SIN3B: variants seen among roughly 807,000 people sequenced by gnomAD.
SIN3B encodes the protein paired amphipathic helix protein Sin3b.
In SIN3B, 19 loss-of-function variants were observed where a neutral mutation model predicts 120.2. The ratio of observed to expected loss-of-function variants is 0.16; its 90% CI spans 0.11 to 0.23. The LOEUF is 0.23. Ranked by LOEUF, SIN3B falls within the 10% of genes least tolerant of loss-of-function variation. The pLI is 1.00. For synonymous variants in SIN3B, 654 were observed against 653.2 expected (o/e 1.00, Z -0.02); for missense variants, 1,073 against 1,573.0 (o/e 0.68, Z 5.38).
Position 16,858,493 on chromosome 19 carries a change from G to GT in SIN3B, c.1059-3850dup, listed in dbSNP as rs36002818. Among the ~76,000 whole-genome samples, 73 of 151,064 alleles carry GT rather than the reference G, an allele frequency of 4.8e-4. 1 individual carries two copies. The highest frequency in any genetic ancestry group is 6.8e-3 in the Middle Eastern group (2 of 294). On this transcript the variant is annotated intron_variant, in intron 8 of 18. Coordinates refer to ENST00000248054, the MANE Select transcript of SIN3B (RefSeq NM_001297595.2). ...GGGGACCAATTAGGTTGTTTCCTTT[G>GT]TTTTTTTTTAGCATCTTAATGAATT... is the stretch of plus-strand genomic sequence containing the variant.
intron 8 of SIN3B, among the ~76,000 whole-genome samples, chr19:16,857,961 C>G (rs1971639070): frequency 6.6e-6 from 1 of 152,316 alleles, no homozygotes; most frequent in Middle Eastern, 3.4e-3. Flanking sequence ...ACTGCAACCT[C>G]TGTCTCCCAG....
At chr19:16,871,470 C>G in intron 14 of SIN3B, 72 bp downstream of exon 14, 1 of 1,430,366 alleles carries the variant, frequency 7.0e-7, no homozygotes, top group Non-Finnish European at 9.5e-7. Context: ...ACTCCCCGCT[C>G]GGGAGGGGGC....
chr19:16,832,357 T>C (rs983467955), intron 3 of SIN3B, among the ~76,000 whole-genome samples: 3 of 150,598 alleles, frequency 2.0e-5, no homozygotes, highest in Non-Finnish European at 4.4e-5. Context: ...ACCACCATGC[T>C]TAGCTAATTT....
rs1224469778 is a variant in SIN3B, at chr19:16,879,538, A to G, written c.*811A>G. ...ACCCTAGGCGTATGTGTATACACGC[A>G]CAGATATTTATTCCTTTCGCTTTTA... On this transcript the variant is annotated 3_prime_UTR_variant, in exon 19 of 19. Transcript: ENST00000248054. The G allele has an allele frequency of 6.6e-6, 1 of 152,244 alleles. No homozygotes were observed. Among genetic ancestry groups the G allele is most frequent in the African/African-American group, 2.4e-5 (1 of 41,446 alleles). 9.4% of individuals were successfully genotyped at this position (152,244 alleles called of 1,614,324 possible).
intron 8 of SIN3B, among the ~76,000 whole-genome samples, chr19:16,855,940 C>T (rs1035018827): frequency 3.3e-5 from 5 of 151,912 alleles, no homozygotes; most frequent in African/African-American, 7.3e-5. Context: ...GCCTGTTGTC[C>T]CAGCTACTTA....
intron 8 of SIN3B, among the ~76,000 whole-genome samples, chr19:16,856,045 A>T (rs1971610391): frequency 6.6e-6 from 1 of 152,220 alleles, no homozygotes; most frequent in Admixed American, 6.5e-5. Context: ...TGACAGAGTG[A>T]GACCCTGTAT....
In SIN3B at chr19:16,878,196, T is replaced by A. The variant is rs530799566; in HGVS notation, c.2968T>A (p.Phe990Ile). The change falls in exon 18 of 19, where the codon TTC becomes ATC. Residue 990 changes from phenylalanine to isoleucine, a missense_variant. This residue lies in a region of SIN3B where 311 missense variants were observed against 400.3 expected (regional missense o/e 0.78). Coordinates refer to ENST00000248054, the MANE Select transcript of SIN3B (RefSeq NM_001297595.2). Reference protein sequence around the residue: ...PVFLQRNLKKFRRRWQSEQAR... With the variant: ...PVFLQRNLKKIRRRWQSEQAR... The stretch of plus-strand genomic sequence containing the variant: ...TTTCGCCCCCAGGAACCTCAAGAAG[T>A]TCCGCCGCCGGTGGCAGAGCGAGCA... 8.3e-6 allele frequency: 13 copies of A among 1,575,138 alleles called. 2 individuals carry two copies. The South Asian group carries it at 1.5e-4, about 18-fold the overall frequency.
intron 4 of SIN3B, chr19:16,846,180 T>G (rs1305090633): frequency 6.6e-6 from 1 of 152,242 alleles, no homozygotes; most frequent in Non-Finnish European, 1.5e-5. Context: ...TGTTTTTAAG[T>G]TTTGCTTTTT....
Position 16,869,970 on chromosome 19 carries a change from CAGCTTCTGGAGTATCGGACCGAGAAGG to C in SIN3B, c.2321_2347del (p.Leu774_Glu782del). On this transcript the variant is annotated inframe_deletion, in exon 13 of 19. Coordinates refer to ENST00000248054, the MANE Select transcript of SIN3B (RefSeq NM_001297595.2). ...GAAGATCTACCGCCAGGCGCAGAAGCAGCTTCTGGAGTATCGGACCGAGAAGGAGCGGGAGAAGCTGCTGTGTGAGGG... is the reference window on the plus strand; with the variant it reads ...GAAGATCTACCGCCAGGCGCAGAAGCAGCGGGAGAAGCTGCTGTGTGAGGG... The C allele has an allele frequency of 6.2e-7, 1 of 1,614,184 alleles. No homozygotes were observed. The highest frequency in any genetic ancestry group is 8.5e-7 in the Non-Finnish European group (1 of 1,180,050).
intron 5 of SIN3B, among the ~76,000 whole-genome samples, chr19:16,848,592 C>T (rs1971508002): frequency 6.6e-6 from 1 of 152,146 alleles, no homozygotes; most frequent in Non-Finnish European, 1.5e-5. Flanking sequence ...ACCTCCATCT[C>T]CCAGGCTCAG....
rs898435861 is a variant in SIN3B at position 16,875,952 on chromosome 19, T to C, written c.2593-103T>C. ...CTCTTCATCCCTGTGTCATGCACTC[T>C]CCATCCTGATGTGTTTCTGGCCTTT... On this transcript the variant is annotated intron_variant, in intron 14 of 18. Transcript: ENST00000248054. 6 of 1,350,224 alleles carry C rather than the reference T, an allele frequency of 4.4e-6. No homozygotes were observed. In the East Asian group the frequency reaches 1.5e-4, roughly 34 times the overall value. The allele number at this position is 1,350,224 out of a possible 1,614,324, so 83.6% of individuals were successfully genotyped here. A position where few individuals can be genotyped will look rare whatever the true frequency, so the allele number is the denominator to read the frequency against.
chr19:16,875,319 TGGTTTG>T (rs2051578546), intron 14 of SIN3B, among the ~76,000 whole-genome samples: 1 of 148,684 alleles, frequency 6.7e-6, no homozygotes, highest in African/African-American at 2.5e-5. Flanking sequence ...GGGTCTGGTC[TGGTTTG>T]GGTCTGGTCT....
intron 8 of SIN3B, 59 bp downstream of exon 8, chr19:16,854,320 A>C: frequency 9.1e-7 from 1 of 1,096,284 alleles, no homozygotes; most frequent in Non-Finnish European, 1.3e-6. Context: ...AACTCCATCT[A>C]CTTGGTTTTT....
At chr19:16,858,454 TATC>T (rs770785438) in intron 8 of SIN3B, among the ~76,000 whole-genome samples, 1 of 152,186 alleles carries the variant, frequency 6.6e-6, no homozygotes, top group Non-Finnish European at 1.5e-5. Context: ...ACTGCTTTCA[TATC>T]ATCTTCCCAA....
intron 8 of SIN3B, chr19:16,855,235 C>T (rs1478452224): frequency 6.6e-6 from 1 of 152,084 alleles, no homozygotes; most frequent in African/African-American, 2.4e-5. Context: ...CAAGTTCTGG[C>T]CTTGACCTTT....
intron 3 of SIN3B, among the ~76,000 whole-genome samples, chr19:16,837,144 T>G (rs1199221373): frequency 6.6e-6 from 1 of 151,626 alleles, no homozygotes; most frequent in Non-Finnish European, 1.5e-5. Flanking sequence ...AGTGATGGCC[T>G]GAGGTGAGAG....
intron 16 of SIN3B, chr19:16,877,171 G>A (rs1229058762): frequency 1.9e-5 from 5 of 256,682 alleles, no homozygotes; most frequent in East Asian, 9.8e-5. Flanking sequence ...CACAAACCAC[G>A]TGGCTTCAAA....
intron 3 of SIN3B, among the ~76,000 whole-genome samples, chr19:16,841,121 G>A (rs936778804): frequency 4.6e-5 from 7 of 152,046 alleles, no homozygotes; most frequent in Admixed American, 6.6e-5. Flanking sequence ...ATGGGAGGGA[G>A]GCAAGCTTCT....
At chr19:16,860,703 C>A (rs1437066465) in intron 8 of SIN3B, among the ~76,000 whole-genome samples, 3 of 151,414 alleles carry the variant, frequency 2.0e-5, no homozygotes, top group African/African-American at 7.3e-5. Flanking sequence ...TGGGTTCACG[C>A]CATTCTCCTG....
Sources: gnomAD v4.1 joint callset for allele counts (sites outside exome capture counted in the v4.1 genomes callset) on GRCh38, gnomAD v4.1.1 for gene constraint, gnomAD v4.1.1 regional missense constraint, MANE v1.5 for transcripts, NCBI Gene and HGNC (gene_info 2026-07-23, HGNC 2026-07-21) for gene names.